The following BICD1 variants were observed in gnomAD, a reference collection of about 807,000 sequenced individuals.
BICD1 encodes the protein BICD cargo adaptor 1.
BICD1 carries 35 observed loss-of-function variants against 92.5 expected under a neutral mutation model. That is an observed-to-expected ratio of 0.38 (90% CI 0.29 to 0.50). BICD1 has a LOEUF of 0.50. Among genes scored for constraint, BICD1 ranks in the 20% least tolerant of loss-of-function variants. The pLI, the probability that BICD1 is intolerant of heterozygous loss-of-function variation, is 0.93. For missense variants in BICD1, 950 were observed against 1,189.8 expected, an observed-to-expected ratio of 0.80 and a Z score of 2.97; for synonymous variants, 429 against 465.1, an observed-to-expected ratio of 0.92 and a Z score of 1.00.
intron 1 of BICD1, among the ~76,000 whole-genome samples, chr12:32,162,869 C>T (rs1387228888): frequency 6.6e-6 from 1 of 151,926 alleles, no homozygotes; most frequent in Non-Finnish European, 1.5e-5. Flanking sequence ...GCCTGTGGTC[C>T]CAGCTACTCA....
chr12:32,379,958 C>A lies in BICD1; in HGVS notation c.*2331C>A, dbSNP rs1426332751. ...ACTCCATGAAAAGCCGGGTCACCCA[C>A]AAAACATTTCTTCCAATACAAAGTG... is the stretch of plus-strand genomic sequence containing the variant. On this transcript the variant is annotated 3_prime_UTR_variant, in exon 10 of 10. Coordinates refer to ENST00000652176, the MANE Select transcript of BICD1 (RefSeq NM_001714.4). 1 of 152,172 alleles carries A rather than the reference C, an allele frequency of 6.6e-6. No individual in the cohort carries two copies. Among genetic ancestry groups the A allele is most frequent in the Non-Finnish European group, 1.5e-5 (1 of 68,038 alleles). The allele number at this position is 152,172 out of a possible 1,614,324, so 9.4% of individuals were successfully genotyped here. A position where few individuals can be genotyped will look rare whatever the true frequency, so the allele number is the denominator to read the frequency against.
At chr12:32,149,194 A>G (rs935075778) in intron 1 of BICD1, among the ~76,000 whole-genome samples, 4 of 152,154 alleles carry the variant, frequency 2.6e-5, no homozygotes, top group Non-Finnish European at 5.9e-5. Context: ...TGAATAAGGA[A>G]CCATGATGCT....
In BICD1 at chr12:32,119,825, C is replaced by G. The variant is rs111535570; in HGVS notation, c.213+12281C>G. ...GGTGGAGGTTGCAGTGAGCTGAGAT[C>G]GTGACACTTCACTCCAGCTTGGGCG... On this transcript the variant is annotated intron_variant, in intron 1 of 9. Transcript: ENST00000652176. Among the ~76,000 whole-genome samples, 599 of 152,250 alleles carry G rather than the reference C, an allele frequency of 3.9e-3. 6 individuals are homozygous for G. Among genetic ancestry groups the G allele is most frequent in the African/African-American group, 0.014 (576 of 41,546 alleles).
At chr12:32,325,143 TTA>T (rs1208056700) in intron 4 of BICD1, among the ~76,000 whole-genome samples, 3 of 50,696 alleles carry the variant, frequency 5.9e-5, no homozygotes, top group Non-Finnish European at 1.4e-4. Flanking sequence ...CTGGCTCCAT[TTA>T]TGTTTTTTTT....
intron 8 of BICD1, among the ~76,000 whole-genome samples, chr12:32,359,128 C>A (rs557546355): frequency 0.012 from 1,809 of 152,298 alleles, 107 homozygotes; most frequent in Admixed American, 0.11. Flanking sequence ...AACTCTCTGT[C>A]AATTTCCTAC....
At chr12:32,275,901 A>G (rs1947262226) in intron 2 of BICD1, among the ~76,000 whole-genome samples, 1 of 151,998 alleles carries the variant, frequency 6.6e-6, no homozygotes, top group African/African-American at 2.4e-5. Flanking sequence ...AGCTCATCGC[A>G]TGGCCCAAGA....
chr12:32,270,991 C>T (rs1045071080), intron 2 of BICD1, among the ~76,000 whole-genome samples: 1 of 152,170 alleles, frequency 6.6e-6, no homozygotes, highest in African/African-American at 2.4e-5. Flanking sequence ...AGCCACCATG[C>T]GCTGTCCTCA....
In BICD1 at chr12:32,378,099, G is replaced by A. The variant is rs1469549404; in HGVS notation, c.*472G>A. The A allele has an allele frequency of 1.3e-5, 2 of 152,396 alleles. No homozygotes were observed. Among genetic ancestry groups the A allele is most frequent in the Non-Finnish European group, 2.9e-5 (2 of 68,182 alleles). 9.4% of individuals were successfully genotyped at this position (152,396 alleles called of 1,614,324 possible). A position where few individuals can be genotyped will look rare whatever the true frequency, so the allele number is the denominator to read the frequency against. On this transcript the variant is annotated 3_prime_UTR_variant, in exon 10 of 10. Transcript: ENST00000652176. ...TGTCTATACAAATAATTTCTCTGAG[G>A]TGAATTTAATTCATTTATTTTCAAA...
intron 1 of BICD1, among the ~76,000 whole-genome samples, chr12:32,194,651 G>T (rs373162893): frequency 2.0e-5 from 3 of 152,290 alleles, no homozygotes; most frequent in African/African-American, 7.2e-5. Flanking sequence ...GGAGGCCGAG[G>T]GGGGTGGATC....
intron 1 of BICD1, among the ~76,000 whole-genome samples, chr12:32,145,799 A>G (rs1016371280): frequency 6.6e-6 from 1 of 152,244 alleles, no homozygotes; most frequent in Non-Finnish European, 1.5e-5. Context: ...TATTTTCTGT[A>G]TATTTGTACA....
intron 4 of BICD1, among the ~76,000 whole-genome samples, chr12:32,306,976 T>C (rs906042802): frequency 2.6e-5 from 4 of 151,522 alleles, no homozygotes; most frequent in Non-Finnish European, 5.9e-5. Flanking sequence ...GAGATCGCCA[T>C]TGCACTCCAG....
At chr12:32,153,220 C>T (rs1308735507) in intron 1 of BICD1, among the ~76,000 whole-genome samples, 1 of 152,160 alleles carries the variant, frequency 6.6e-6, no homozygotes, top group African/African-American at 2.4e-5. Flanking sequence ...CCTCCAGCTG[C>T]ATCTATGTTG....
At chr12:32,204,920 A>T (rs1391326202) in intron 1 of BICD1, among the ~76,000 whole-genome samples, 1 of 152,206 alleles carries the variant, frequency 6.6e-6, no homozygotes, top group East Asian at 1.9e-4. Flanking sequence ...CTATTATGCG[A>T]AGCTGGATTT....
At chr12:32,339,349 A>G in intron 8 of BICD1, 1 of 996,578 alleles carries the variant, frequency 1.0e-6, no homozygotes, top group Non-Finnish European at 1.2e-6. Context: ...TTTTAATGTA[A>G]TTTCCGTAAA....
intron 4 of BICD1, among the ~76,000 whole-genome samples, chr12:32,312,788 T>C (rs953113302): frequency 6.6e-6 from 1 of 152,230 alleles, no homozygotes; most frequent in Non-Finnish European, 1.5e-5. Flanking sequence ...ACAATAGTCC[T>C]TGATAGTGAA....
chr12:32,237,139 C>A (rs1214342276), intron 2 of BICD1, among the ~76,000 whole-genome samples: 1 of 152,106 alleles, frequency 6.6e-6, no homozygotes, highest in Non-Finnish European at 1.5e-5. Flanking sequence ...CTCGGCCTCC[C>A]AAAGTGCTGG....
At chr12:32,142,453 C>CTATCTATCTAT (rs1238808044) in intron 1 of BICD1, among the ~76,000 whole-genome samples, 2 of 112,882 alleles carry the variant, frequency 1.8e-5, no homozygotes, top group Non-Finnish European at 3.4e-5. Flanking sequence ...ACCTATCTAT[C>CTATCTATCTAT]CTATCTATCT....
intron 1 of BICD1, among the ~76,000 whole-genome samples, chr12:32,124,470 A>AT (rs1942259662): frequency 6.6e-6 from 1 of 152,222 alleles, no homozygotes; most frequent in South Asian, 2.1e-4. Flanking sequence ...GATAATAACT[A>AT]TAAGTGGTAA....
chr12:32,252,882 C>T (rs11051875), intron 2 of BICD1, among the ~76,000 whole-genome samples: 57,885 of 151,814 alleles, frequency 0.38, 11,220 homozygotes, highest in Non-Finnish European at 0.42. Flanking sequence ...TTTTTTGTTT[C>T]TGTTTTTGAG....
Sources: allele counts gnomAD v4.1 joint callset (sites outside exome capture counted in the v4.1 genomes callset), GRCh38; gene constraint gnomAD v4.1.1; transcripts MANE v1.5; gene names NCBI Gene and HGNC (gene_info 2026-07-23, HGNC 2026-07-21).